DEPDC1: variants seen among roughly 807,000 people sequenced by gnomAD.
The protein encoded by DEPDC1 is DEP domain-containing protein 1A.
Under a neutral mutation model 86.8 loss-of-function variants are expected in DEPDC1, and 66 were observed. The observed-to-expected ratio is 0.76, with a 90% CI of 0.62 to 0.93. The LOEUF (loss-of-function observed/expected upper bound fraction) is 0.93. DEPDC1 is among the 40% of genes least tolerant of loss of function. DEPDC1 has a pLI of 0.00. For missense variants in DEPDC1, 792 were observed against 935.7 expected, an observed-to-expected ratio of 0.85 and a Z score of 2.00; for synonymous variants, 255 against 314.9, an observed-to-expected ratio of 0.81 and a Z score of 2.02.
intron 7 of DEPDC1, 43 bp from the exon 8 acceptor site, chr1:68,482,940 A>G (rs200870540): frequency 6.6e-7 from 1 of 1,522,920 alleles, no homozygotes; most frequent in African/African-American, 1.4e-5. Context: ...ACTGTATGAC[A>G]GTGGACAAAA....
At chr1:68,495,142 C>CAA (rs11353957) in intron 1 of DEPDC1, among the ~76,000 whole-genome samples, 1 of 146,892 alleles carries the variant, frequency 6.8e-6, no homozygotes, top group Non-Finnish European at 1.5e-5. Flanking sequence ...AACTCAGTCT[C>CAA]AAAAAAAAAA....
chr1:68,488,169 C>T (rs1646205171), intron 5 of DEPDC1, among the ~76,000 whole-genome samples: 3 of 151,728 alleles, frequency 2.0e-5, no homozygotes, highest in African/African-American at 7.3e-5. Context: ...ATGAATTTAT[C>T]TTAGCAGACA....
intron 3 of DEPDC1, 24 bp from the exon 4 acceptor site, chr1:68,489,058 T>G: frequency 7.0e-7 from 1 of 1,434,860 alleles, no homozygotes. Flanking sequence ...TATTTTGGTT[T>G]AATCTGTTAT....
chr1:68,481,781 C>T, intron 8 of DEPDC1, 169 bp from the exon 9 acceptor site: 1 of 644,254 alleles, frequency 1.6e-6, no homozygotes, highest in Non-Finnish European at 2.4e-6. Context: ...TCATTATTTT[C>T]TTTACAACTT....
At chr1:68,483,896 AG>A in intron 7 of DEPDC1, 53 bp downstream of exon 7, 2 of 1,152,910 alleles carry the variant, frequency 1.7e-6, no homozygotes, top group Non-Finnish European at 2.4e-6. Context: ...CTAAATTATA[AG>A]AAAGTTGAAA....
chr1:68,481,858 A>G (rs764992503), intron 8 of DEPDC1, 188 bp downstream of exon 8: 73 of 656,956 alleles, frequency 1.1e-4, no homozygotes, highest in Non-Finnish European at 1.7e-4. Context: ...AAATTGCAAA[A>G]AAGAAAATAA....
chr1:68,490,088 A>G (rs1646219631), intron 2 of DEPDC1, among the ~76,000 whole-genome samples: 1 of 152,142 alleles, frequency 6.6e-6, no homozygotes, highest in African/African-American at 2.4e-5. Context: ...AACCAATGTA[A>G]TTGTTGACAT....
chr1:68,476,178 ATT>A lies in DEPDC1; in HGVS notation c.*752_*753del, dbSNP rs1646113856. The A allele has an allele frequency of 1.3e-5, 2 of 151,904 alleles. No individual in the cohort carries two copies. The allele number at this position is 151,904 out of a possible 1,614,324, so 9.4% of individuals were successfully genotyped here. ...GAAGAGATTATATGTTTTATTTATC[ATT>A]GTCTCTGCATATCTGGAACAACGAA... is the stretch of plus-strand genomic sequence containing the variant. On this transcript the variant is annotated 3_prime_UTR_variant, in exon 12 of 12. Coordinates refer to ENST00000456315, the MANE Select transcript of DEPDC1 (RefSeq NM_001114120.3).
At chr1:68,484,472 A>G (rs1646178781) in intron 6 of DEPDC1, among the ~76,000 whole-genome samples, 1 of 152,072 alleles carries the variant, frequency 6.6e-6, no homozygotes, top group Admixed American at 6.6e-5. Context: ...GTTCATGAAT[A>G]TATTTTGTCT....
rs1646102131 is a variant in DEPDC1, at chr1:68,474,566, G to A, written c.*2366C>T. Reference sequence around the variant, plus strand: ...TGAAACCTGTGCATTCCCACAATTAGGCTTTTTCACACTTTCTCTCTTTAA... The same window carrying A: ...TGAAACCTGTGCATTCCCACAATTAAGCTTTTTCACACTTTCTCTCTTTAA... On this transcript the variant is annotated 3_prime_UTR_variant, in exon 12 of 12. Transcript: ENST00000456315. 1 of 151,926 alleles carries A rather than the reference G, an allele frequency of 6.6e-6. No homozygotes were observed. The highest frequency in any genetic ancestry group is 2.1e-4 in the South Asian group (1 of 4,816). 9.4% of individuals were successfully genotyped at this position (151,926 alleles called of 1,614,324 possible). A position where few individuals can be genotyped will look rare whatever the true frequency, so the allele number is the denominator to read the frequency against.
intron 2 of DEPDC1, among the ~76,000 whole-genome samples, chr1:68,491,003 C>A (rs1646225618): frequency 6.6e-6 from 1 of 152,132 alleles, no homozygotes; most frequent in Non-Finnish European, 1.5e-5. Flanking sequence ...TGAAATGGGA[C>A]ACCTTCTTAC....
At position 68,496,106 on chromosome 1, in the gene DEPDC1, C is replaced by T. The variant is rs899369243; in HGVS notation, c.48+846G>A. On this transcript the variant is annotated intron_variant, in intron 1 of 11. Coordinates refer to ENST00000456315, the MANE Select transcript of DEPDC1 (RefSeq NM_001114120.3). This position sits in a 1 kb window ranked among gnomAD's most constrained non-coding sequence, Gnocchi z 4.0. ...TGTGACTCTAGAGGGCATTTAACGT[C>T]TGTGAGCCTCAGTGTGCACCTGATA... 2.0e-5 allele frequency among the ~76,000 whole-genome samples: 3 copies of T among 152,186 alleles called. No individual in the cohort carries two copies. Among genetic ancestry groups the T allele is most frequent in the Admixed American group, 1.3e-4 (2 of 15,270 alleles).
At chr1:68,486,622 A>C (rs1317325948) in intron 6 of DEPDC1, among the ~76,000 whole-genome samples, 2 of 151,874 alleles carry the variant, frequency 1.3e-5, no homozygotes, top group African/African-American at 4.8e-5. Context: ...TCTGAGCCTC[A>C]CTGAGGCAAT....
rs753565788 is a variant in DEPDC1 at position 68,494,364 on chromosome 1, GTATAA to G, written c.314+61_314+65del. ...TGAAGAAGCTGCTGTTATAGTAAAAGTATAATATAAGTAGAGATAAAACTTTACAG... is the reference window on the plus strand; with the variant it reads ...TGAAGAAGCTGCTGTTATAGTAAAAGTATAAGTAGAGATAAAACTTTACAG... On this transcript the variant is annotated intron_variant, in intron 2 of 11. Transcript: ENST00000456315. 1.6e-4 allele frequency: 221 copies of G among 1,395,838 alleles called. 1 individual carries two copies. Among genetic ancestry groups the G allele is most frequent in the Admixed American group, 2.7e-4 (11 of 40,664 alleles). The allele number at this position is 1,395,838 out of a possible 1,614,324, so 86.5% of individuals were successfully genotyped here. A position where few individuals can be genotyped will look rare whatever the true frequency, so the allele number is the denominator to read the frequency against.
chr1:68,486,574 A>G (rs1646193968), intron 6 of DEPDC1, among the ~76,000 whole-genome samples: 1 of 151,912 alleles, frequency 6.6e-6, no homozygotes, highest in Non-Finnish European at 1.5e-5. Flanking sequence ...CTATGCTTCT[A>G]CACTATAGAA....
chr1:68,484,088 G>A lies in DEPDC1; in HGVS notation c.772C>T (p.Pro258Ser). 1 of 1,546,136 alleles carries A rather than the reference G, an allele frequency of 6.5e-7. No individual in the cohort carries two copies. The change falls in exon 7 of 12, where the codon CCA becomes TCA. Residue 258 changes from proline to serine, a missense_variant and splice_region_variant. Transcript: ENST00000456315. ...GGATTATTCATATCATTGCTTCTTG[G>A]CCCTAAGAAGTAGAAGGCAAGAGAA... The part of the protein sequence containing the change: ...LSAMKCLANW[P>S]RSNDMNNPTY...
Position 68,475,533 on chromosome 1 carries a change from A to AT in DEPDC1, c.*1398dup. On this transcript the variant is annotated 3_prime_UTR_variant, in exon 12 of 12. Transcript: ENST00000456315. ...CAGTAATGTTAAATGGAATACTATC[A>AT]TTTTATAGAGAAACAGTATGAAATT... The AT allele has an allele frequency of 6.6e-6, 1 of 151,854 alleles. No individual in the cohort carries two copies. The highest frequency in any genetic ancestry group is 1.9e-4 in the East Asian group (1 of 5,184). The allele number at this position is 151,854 out of a possible 1,614,324, so 9.4% of individuals were successfully genotyped here.
chr1:68,481,667 A>T, intron 8 of DEPDC1, 55 bp from the exon 9 acceptor site: 1 of 1,406,092 alleles, frequency 7.1e-7, no homozygotes, highest in Non-Finnish European at 9.7e-7. Flanking sequence ...TTGCTTTCAT[A>T]CTACCAGTAT....
rs1439512989 is a variant in DEPDC1, at chr1:68,497,078, G to C, written c.-79C>G. The C allele has an allele frequency of 3.3e-6, 5 of 1,512,190 alleles. No individual in the cohort carries two copies. The highest frequency in any genetic ancestry group is 2.3e-5 in the South Asian group (2 of 88,022). The allele number at this position is 1,512,190 out of a possible 1,614,324, so 93.7% of individuals were successfully genotyped here. A position where few individuals can be genotyped will look rare whatever the true frequency, so the allele number is the denominator to read the frequency against. On this transcript the variant is annotated 5_prime_UTR_variant, in exon 1 of 12. Coordinates refer to ENST00000456315, the MANE Select transcript of DEPDC1 (RefSeq NM_001114120.3). ...AGCGGCCGCGGCAGTGGCGAGTCTCGGCACAACCGTTGGCCCCGCCGCCGA... is the reference window on the plus strand; with the variant it reads ...AGCGGCCGCGGCAGTGGCGAGTCTCCGCACAACCGTTGGCCCCGCCGCCGA...
Sources: gnomAD v4.1 joint callset for allele counts (sites outside exome capture counted in the v4.1 genomes callset) on GRCh38, gnomAD v4.1.1 for gene constraint, Gnocchi (gnomAD v3.1) non-coding constraint, MANE v1.5 for transcripts, NCBI Gene and HGNC (gene_info 2026-07-23, HGNC 2026-07-21) for gene names.